MUC5B: variants seen among roughly 807,000 people sequenced by gnomAD.
The protein encoded by MUC5B is mucin-5B.
MUC5B carries 116 observed loss-of-function variants against 376.9 expected under a neutral mutation model. The ratio of observed to expected loss-of-function variants is 0.31; its 90% CI spans 0.26 to 0.36. The LOEUF (loss-of-function observed/expected upper bound fraction) is 0.36, where lower values mean the gene tolerates loss of function less well. Ranked by LOEUF, MUC5B falls within the 10% of genes least tolerant of loss-of-function variation. The pLI is 1.00. For missense variants in MUC5B, 7,165 were observed against 7,769.9 expected, an observed-to-expected ratio of 0.92 and a Z score of 2.93; for synonymous variants, 3,517 against 3,390.9, an observed-to-expected ratio of 1.04 and a Z score of -1.29.
Position 1,250,620 on chromosome 11 carries a change from C to T in MUC5B, c.13740C>T (p.Thr4580=), listed in dbSNP as rs200283217. The T allele has an allele frequency of 1.0e-4, 163 of 1,612,696 alleles. 1 individual carries two copies. Among genetic ancestry groups the T allele is most frequent in the Non-Finnish European group, 1.3e-4 (157 of 1,179,096 alleles). The change falls in exon 31 of 49, where the codon ACC becomes ACT. Residue 4580 remains threonine (T), a synonymous_variant. Transcript: ENST00000529681. ...CCGGGGCCACCGGCTCTGTGGCCAC[C>T]CCCTCCTCCACCCCAGGAACAGCTC... ...TTTGATGSVA[T]PSSTPGTAHT...
At position 1,229,774 on chromosome 11, in the gene MUC5B, C is replaced by G; in HGVS notation, c.1187C>G (p.Pro396Arg). The change falls in exon 10 of 49, where the codon CCG becomes CGG. Residue 396 changes from proline (P) to arginine (R), a missense_variant. Physicochemically the swap from Pro to Arg is moderately radical, Grantham distance 103. This residue lies in a region of MUC5B where 640 missense variants were observed against 733.0 expected (regional missense o/e 0.87). Coordinates refer to ENST00000529681, the MANE Select transcript of MUC5B (RefSeq NM_002458.3). ...ACCCACGGCGGCCGCACCTACAGCC[C>G]GGGCACCTCCTTCAACACCACCTGC... The part of the protein sequence containing the change: ...PCTHGGRTYS[P>R]GTSFNTTCSS... 1.9e-6 allele frequency: 3 copies of G among 1,601,674 alleles called. No homozygotes were observed. The highest frequency in any genetic ancestry group is 2.6e-6 in the Non-Finnish European group (3 of 1,175,568).
chr11:1,261,974 G>A lies in MUC5B; in HGVS notation c.*366G>A, dbSNP rs1176143446. 3 of 494,674 alleles carry A rather than the reference G, an allele frequency of 6.1e-6. No individual in the cohort carries two copies. The highest frequency in any genetic ancestry group is 3.9e-5 in the African/African-American group (2 of 51,766). The allele number at this position is 494,674 out of a possible 1,614,324, so 30.6% of individuals were successfully genotyped here. A position where few individuals can be genotyped will look rare whatever the true frequency, so the allele number is the denominator to read the frequency against. ...GGATTCCAGCTGGCCACGTCCGGCCGCTGGGGCAGACAGGCTGGTCCAGGC... is the reference window on the plus strand; with the variant it reads ...GGATTCCAGCTGGCCACGTCCGGCCACTGGGGCAGACAGGCTGGTCCAGGC... On this transcript the variant is annotated 3_prime_UTR_variant, in exon 49 of 49. Coordinates refer to ENST00000529681, the MANE Select transcript of MUC5B (RefSeq NM_002458.3).
chr11:1,260,517 C>A, intron 47 of MUC5B, 109 bp from the exon 48 acceptor site: 2 of 1,457,730 alleles, frequency 1.4e-6, no homozygotes, highest in South Asian at 1.2e-5. Flanking sequence ...CACCCTCGGT[C>A]CTGGAGGGCC....
rs1336213052 is a variant in MUC5B, at chr11:1,251,040, C to T, written c.14160C>T (p.Ser4720=). 3.7e-6 allele frequency: 6 copies of T among 1,611,122 alleles called. No individual in the cohort carries two copies. The highest frequency in any genetic ancestry group is 1.7e-5 in the Admixed American group (1 of 59,970). The change falls in exon 31 of 49, where the codon AGC becomes AGT. Residue 4720 remains serine, a synonymous_variant. Transcript: ENST00000529681. ...CGGCCACCACACCCGCAGCCACCAG[C>T]TCCAAAGCCACTTCCTCCTCCAGTC... The part of the protein sequence containing the change: ...TSTATTPAAT[S]SKATSSSSPR...
chr11:1,241,954 A>T lies in MUC5B; in HGVS notation c.5074A>T (p.Thr1692Ser). The T allele has an allele frequency of 6.2e-7, 1 of 1,603,836 alleles. No individual in the cohort carries two copies. The highest frequency in any genetic ancestry group is 1.1e-5 in the South Asian group (1 of 89,510). Reference protein sequence around the residue: ...EPTVPGVATSTLPTRSALPGT... With the variant: ...EPTVPGVATSSLPTRSALPGT... The stretch of plus-strand genomic sequence containing the variant: ...CACTGTCCCAGGGGTGGCCACATCC[A>T]CCCTTCCAACACGCTCAGCCCTTCC... Residue 1692 changes from threonine (T) to serine (S), a missense_variant, in exon 31 of 49, where the codon ACC becomes TCC. Around this residue, in one of 31 missense-constraint regions of MUC5B, gnomAD observed 897 missense variants for 779.6 expected, o/e 1.15. Coordinates refer to ENST00000529681, the MANE Select transcript of MUC5B (RefSeq NM_002458.3).
chr11:1,234,180 C>A lies in MUC5B; in HGVS notation c.2378-25C>A. The A allele has an allele frequency of 6.4e-7, 1 of 1,566,840 alleles. No homozygotes were observed. Among genetic ancestry groups the A allele is most frequent in the Non-Finnish European group, 8.7e-7 (1 of 1,152,556 alleles). On this transcript the variant is annotated intron_variant, in intron 19 of 48. Transcript: ENST00000529681. This position sits in a 1 kb window ranked among gnomAD's most constrained non-coding sequence, Gnocchi z 6.3. ...GGCCGTGGCTGCCCTTCCCCAGGAC[C>A]CCTCCCACCAAGCTCTGTCCCCAGG... is the stretch of plus-strand genomic sequence containing the variant.
Position 1,252,699 on chromosome 11 carries a change from C to T in MUC5B, c.15046-110C>T, listed in dbSNP as rs1862737404. The T allele has an allele frequency of 5.6e-6, 8 of 1,439,858 alleles. 1 individual carries two copies. In the South Asian group the frequency reaches 1.1e-4, roughly 20 times the overall value. The allele number at this position is 1,439,858 out of a possible 1,614,324, so 89.2% of individuals were successfully genotyped here. On this transcript the variant is annotated intron_variant, in intron 32 of 48. Coordinates refer to ENST00000529681, the MANE Select transcript of MUC5B (RefSeq NM_002458.3). ...AGGCTAGCATGGGGGCCGCCCTCCT[C>T]AGGCAGGCTCTTGTGGCCACCCGGG...
At position 1,232,993 on chromosome 11, in the gene MUC5B, C is replaced by A. The variant is rs755071671; in HGVS notation, c.2066-20C>A. The A allele has an allele frequency of 1.1e-5, 17 of 1,560,464 alleles. No homozygotes were observed. In the East Asian group the frequency reaches 3.5e-4, roughly 32 times the overall value. On this transcript the variant is annotated intron_variant, in intron 17 of 48. Coordinates refer to ENST00000529681, the MANE Select transcript of MUC5B (RefSeq NM_002458.3). ...GCTGCTCGGCCGCTGACCTGTCCCC[C>A]CTGGCCCCACCGACCACAGCCAAGT...
rs1166732461 is a variant in MUC5B, at chr11:1,244,615, G to A, written c.7735G>A (p.Val2579Met). The A allele has an allele frequency of 6.2e-7, 1 of 1,613,260 alleles. No individual in the cohort carries two copies. The highest frequency in any genetic ancestry group is 8.5e-7 in the Non-Finnish European group (1 of 1,179,736). Residue 2579 changes from valine to methionine, a missense_variant, in exon 31 of 49, where the codon GTG (valine) becomes ATG (methionine). Val to Met is a conservative substitution (Grantham distance 21, BLOSUM62 1). This residue lies in a region of MUC5B where 194 missense variants were observed against 268.5 expected (regional missense o/e 0.72). Coordinates refer to ENST00000529681, the MANE Select transcript of MUC5B (RefSeq NM_002458.3). ...TCCAGAGACTGTCCACACCTCCACAGTGCTTACCACCACGGCCACCACAAC... is the reference window on the plus strand; with the variant it reads ...TCCAGAGACTGTCCACACCTCCACAATGCTTACCACCACGGCCACCACAAC... Reference protein sequence around the residue: ...STPETVHTSTVLTTTATTTGA... With the variant: ...STPETVHTSTMLTTTATTTGA...
intron 13 of MUC5B, among the ~76,000 whole-genome samples, 172 bp downstream of exon 13, chr11:1,231,177 C>A (rs1270407719): frequency 6.6e-6 from 1 of 152,200 alleles, no homozygotes; most frequent in Non-Finnish European, 1.5e-5. Context: ...CAGGCTCCCA[C>A]CCCGGCAGCG....
intron 3 of MUC5B, 75 bp downstream of exon 3, chr11:1,226,351 G>T: frequency 6.6e-7 from 1 of 1,508,918 alleles, no homozygotes. Context: ...AGATCTAGGG[G>T]TGCAGCTGCC....
chr11:1,228,787 G>T, intron 8 of MUC5B, 22 bp downstream of exon 8: 1 of 1,323,142 alleles, frequency 7.6e-7, no homozygotes, highest in Non-Finnish European at 9.8e-7. Flanking sequence ...CAGGGCCTTC[G>T]CCAGGGATTG....
At position 1,223,226 on chromosome 11, in the gene MUC5B, C is replaced by T. The variant is rs1315603571; in HGVS notation, c.70+33C>T. 3 of 707,894 alleles carry T rather than the reference C, an allele frequency of 4.2e-6. No individual in the cohort carries two copies. The Admixed American group carries it at 6.0e-5, about 14-fold the overall frequency. The allele number at this position is 707,894 out of a possible 1,614,324, so 43.9% of individuals were successfully genotyped here. A position where few individuals can be genotyped will look rare whatever the true frequency, so the allele number is the denominator to read the frequency against. ...CCCCCCACTCCGCCCCCTCTCGATG[C>T]TGTCTTCACGGCGGGGGTCTCTGCA... On this transcript the variant is annotated intron_variant, in intron 1 of 48. Transcript: ENST00000529681.
intron 25 of MUC5B, among the ~76,000 whole-genome samples, chr11:1,237,571 C>T (rs1043532110): frequency 3.3e-5 from 5 of 152,220 alleles, no homozygotes; most frequent in South Asian, 2.1e-4. Flanking sequence ...GCAGAGACTT[C>T]CAAAAAGCAG....
chr11:1,239,433 C>A lies in MUC5B; in HGVS notation c.3455-5C>A. The A allele has an allele frequency of 6.2e-7, 1 of 1,606,060 alleles. No homozygotes were observed. Among genetic ancestry groups the A allele is most frequent in the South Asian group, 1.1e-5 (1 of 90,206 alleles). On this transcript the variant is annotated splice_region_variant and splice_polypyrimidine_tract_variant and intron_variant, in intron 26 of 48. Coordinates refer to ENST00000529681, the MANE Select transcript of MUC5B (RefSeq NM_002458.3). ...CCTCCTTAGCCTCTGCCCTCTGTGC[C>A]CCAGCCTTGTTCTGTGACTTCTACA...
chr11:1,247,494 GACCACA>G lies in MUC5B; in HGVS notation c.10615_10620del (p.Thr3539_Thr3540del). The G allele has an allele frequency of 6.2e-7, 1 of 1,607,890 alleles. No homozygotes were observed. The highest frequency in any genetic ancestry group is 1.1e-5 in the South Asian group (1 of 90,882). On this transcript the variant is annotated inframe_deletion, in exon 31 of 49. Coordinates refer to ENST00000529681, the MANE Select transcript of MUC5B (RefSeq NM_002458.3). Reference sequence around the variant, plus strand: ...CGGGCCACACCAGGGGCACCTCCAGGACCACAGCCACAGCCACACCCAGCAAGACCC... The same window carrying G: ...CGGGCCACACCAGGGGCACCTCCAGGGCCACAGCCACACCCAGCAAGACCC...
At chr11:1,252,210 GCCTCTGC>G in intron 31 of MUC5B, 126 bp from the exon 32 acceptor site, 1 of 864,166 alleles carries the variant, frequency 1.2e-6, no homozygotes. Flanking sequence ...GCCACACTCA[GCCTCTGC>G]CCTCTCCACT....
Position 1,242,480 on chromosome 11 carries a change from A to T in MUC5B, c.5600A>T (p.Asn1867Ile), listed in dbSNP as rs1283023697. ...AACGAAGACCAGACAGGCAGGTTCA[A>T]CATGTGCTTCAACTACAACGTGCGT... ...CKNEDQTGRF[N>I]MCFNYNVRVL... Residue 1867 changes from asparagine (N) to isoleucine (I), a missense_variant, in exon 31 of 49, where the codon AAC becomes ATC. By Grantham distance (149) the Asn-to-Ile change is moderately radical. Transcript: ENST00000529681. The T allele has an allele frequency of 6.2e-7, 1 of 1,613,794 alleles. No individual in the cohort carries two copies. The highest frequency in any genetic ancestry group is 1.7e-5 in the Admixed American group (1 of 60,010).
In MUC5B at chr11:1,239,385, A is replaced by C. The variant is rs1005748497; in HGVS notation, c.3455-53A>C. On this transcript the variant is annotated intron_variant, in intron 26 of 48. Coordinates refer to ENST00000529681, the MANE Select transcript of MUC5B (RefSeq NM_002458.3). The stretch of plus-strand genomic sequence containing the variant: ...CCCGGGGTAGGGGCTGCCCTGCACA[A>C]CAGGGGTGAGGGCTGGTGGGCGCCT... 61 of 1,565,194 alleles carry C rather than the reference A, an allele frequency of 3.9e-5. 1 individual carries two copies. The Middle Eastern group carries it at 2.7e-3, about 70-fold the overall frequency.
Sources: allele counts gnomAD v4.1 joint callset (sites outside exome capture counted in the v4.1 genomes callset), GRCh38; gene constraint gnomAD v4.1.1; regional missense constraint gnomAD v4.1.1; non-coding constraint Gnocchi (gnomAD v3.1); transcripts MANE v1.5; gene names NCBI Gene and HGNC (gene_info 2026-07-23, HGNC 2026-07-21).